Variants in TRRAP observed in about 807,000 individuals in gnomAD.
The protein encoded by TRRAP is transformation/transcription domain-associated protein.
TRRAP carries 41 observed loss-of-function variants against 438.8 expected under a neutral mutation model. The ratio of observed to expected loss-of-function variants is 0.09; its 90% CI spans 0.07 to 0.12. The LOEUF (loss-of-function observed/expected upper bound fraction) is 0.12, where lower values mean the gene tolerates loss of function less well. Ranked by LOEUF, TRRAP falls within the 10% of genes least tolerant of loss-of-function variation. The pLI is 1.00. For missense variants in TRRAP, 3,122 were observed against 5,055.1 expected (o/e 0.62, Z 11.60); for synonymous variants, 1,994 against 1,962.9 (o/e 1.02, Z -0.42).
chr7:99,010,192 T>TTTTTG (rs1470234280), intron 70 of TRRAP, among the ~76,000 whole-genome samples: 38 of 152,318 alleles, frequency 2.5e-4, no homozygotes, highest in Admixed American at 1.4e-3. Context: ...AGCCCAGGCT[T>TTTTTG]TTTTGTTTTG....
rs1224627828 is a variant in TRRAP at position 98,971,905 on chromosome 7, A to G, written c.7799A>G (p.Asn2600Ser). ...GGAAACCAGCTGCACATGCTAACCA[A>G]CAGGCACGACAAGTTTCTGGACACT... is the stretch of plus-strand genomic sequence containing the variant. ...DIGNQLHMLT[N>S]RHDKFLDTLR... The change falls in exon 53 of 73, where the codon AAC becomes AGC. Residue 2600 changes from asparagine to serine, a missense_variant. Asn to Ser is a conservative substitution (Grantham distance 46, BLOSUM62 1). Around this residue, in one of 24 missense-constraint regions of TRRAP, gnomAD observed 992 missense variants for 1,281.2 expected, o/e 0.77. Transcript: ENST00000456197. 1.9e-6 allele frequency: 3 copies of G among 1,614,226 alleles called. No individual in the cohort carries two copies. Among genetic ancestry groups the G allele is most frequent in the Non-Finnish European group, 2.5e-6 (3 of 1,180,044 alleles).
intron 30 of TRRAP, among the ~76,000 whole-genome samples, chr7:98,942,516 C>T (rs1554415891): frequency 6.6e-6 from 1 of 152,230 alleles, no homozygotes; most frequent in Non-Finnish European, 1.5e-5. Context: ...TGTAGCTACA[C>T]ACAGCAGGCA....
At chr7:98,959,960 A>G (rs977516554) in intron 45 of TRRAP, among the ~76,000 whole-genome samples, 16 of 151,492 alleles carry the variant, frequency 1.1e-4, no homozygotes, top group African/African-American at 3.9e-4. Flanking sequence ...AAAAAGAAAA[A>G]GAAAAGAAAA....
At position 99,012,559 on chromosome 7, in the gene TRRAP, G is replaced by A; in HGVS notation, c.*204G>A. ...CTGAACTATGACGATGCTGGGCGAA[G>A]CGGTTGGAAATGGCAGAGCTGAAAC... On this transcript the variant is annotated 3_prime_UTR_variant, in exon 73 of 73. Transcript: ENST00000456197. The surrounding 1 kb of genome is among the most constrained non-coding windows in gnomAD (Gnocchi z 5.9). 3 of 649,842 alleles carry A rather than the reference G, an allele frequency of 4.6e-6. No homozygotes were observed. In the East Asian group the frequency reaches 8.6e-5, roughly 19 times the overall value. The allele number at this position is 649,842 out of a possible 1,614,324, so 40.3% of individuals were successfully genotyped here.
intron 62 of TRRAP, 56 bp from the exon 63 acceptor site, chr7:98,988,709 G>C (rs1392742434): frequency 6.4e-7 from 1 of 1,571,724 alleles, no homozygotes; most frequent in African/African-American, 1.3e-5. Flanking sequence ...TTCAGATTAC[G>C]TGAAGCTCGC....
At chr7:98,935,779 C>T in intron 28 of TRRAP, 104 bp downstream of exon 28, 2 of 815,928 alleles carry the variant, frequency 2.5e-6, no homozygotes, top group South Asian at 2.8e-5. Context: ...ATTTTTATGA[C>T]TTTTTGTAGT....
intron 69 of TRRAP, among the ~76,000 whole-genome samples, chr7:99,007,667 T>C (rs566041990): frequency 2.6e-4 from 37 of 141,164 alleles, no homozygotes; most frequent in Middle Eastern, 4.5e-3. Context: ...TCTTATTTTT[T>C]AGACAGGGTC....
At chr7:98,889,603 A>C (rs1442482329) in intron 3 of TRRAP, among the ~76,000 whole-genome samples, 1 of 148,316 alleles carries the variant, frequency 6.7e-6, no homozygotes, top group Non-Finnish European at 1.5e-5. Context: ...GCTGGTGTGC[A>C]GTGGCATCAT....
At chr7:98,962,052 C>T (rs563545057) in intron 46 of TRRAP, among the ~76,000 whole-genome samples, 1 of 152,300 alleles carries the variant, frequency 6.6e-6, no homozygotes, top group South Asian at 2.1e-4. Context: ...GAACATTTGG[C>T]AGGATCAAAT....
At chr7:98,973,288 G>A (rs1392751572) in intron 53 of TRRAP, among the ~76,000 whole-genome samples, 3 of 151,974 alleles carry the variant, frequency 2.0e-5, no homozygotes, top group South Asian at 2.1e-4. Flanking sequence ...CCCTACTGCC[G>A]CCACCACCAG....
At position 99,005,768 on chromosome 7, in the gene TRRAP, G is replaced by A. The variant is rs1794135249; in HGVS notation, c.10753+420G>A. Among the ~76,000 whole-genome samples the A allele has an allele frequency of 6.6e-6, 1 of 152,036 alleles. No homozygotes were observed. Among genetic ancestry groups the A allele is most frequent in the African/African-American group, 2.4e-5 (1 of 41,468 alleles). On this transcript the variant is annotated intron_variant, in intron 69 of 72. Coordinates refer to ENST00000456197, the MANE Select transcript of TRRAP (RefSeq NM_001375524.1). This position sits in a 1 kb window ranked among gnomAD's most constrained non-coding sequence, Gnocchi z 5.1. ...GAGACAATTCTTCCAATGTGGCCCA[G>A]GGAAGCCAAAAGATTGGACATCCCT... is the stretch of plus-strand genomic sequence containing the variant.
intron 30 of TRRAP, among the ~76,000 whole-genome samples, chr7:98,938,118 T>C (rs1330717574): frequency 6.6e-6 from 1 of 152,212 alleles, no homozygotes; most frequent in Non-Finnish European, 1.5e-5. Flanking sequence ...GAGGTCGCAG[T>C]GAGCCAAGAT....
At chr7:98,957,026 A>C (rs1368997638) in intron 43 of TRRAP, among the ~76,000 whole-genome samples, 3 of 152,058 alleles carry the variant, frequency 2.0e-5, no homozygotes, top group African/African-American at 7.2e-5. Flanking sequence ...CGTAGGCCTG[A>C]GGCTGAGCTC....
chr7:98,999,784 A>G (rs1285802844), intron 67 of TRRAP: 3 of 557,364 alleles, frequency 5.4e-6, no homozygotes, highest in Non-Finnish European at 6.5e-6. Flanking sequence ...GCCGCTCACA[A>G]ATAACTTGAA....
At chr7:98,905,067 C>A (rs150296892) in intron 12 of TRRAP, among the ~76,000 whole-genome samples, 1 of 152,164 alleles carries the variant, frequency 6.6e-6, no homozygotes, top group African/African-American at 2.4e-5. Context: ...GTAGTGGTCA[C>A]GCAATTTCAT....
chr7:98,942,316 C>G (rs2237597), intron 30 of TRRAP, among the ~76,000 whole-genome samples: 58,826 of 152,096 alleles, frequency 0.39, 13,778 homozygotes, highest in Non-Finnish European at 0.51. Flanking sequence ...CTAGGGTCCC[C>G]ATTGTGCCCA....
At chr7:98,907,654 C>T (rs773176241) in intron 13 of TRRAP, among the ~76,000 whole-genome samples, 35 of 152,234 alleles carry the variant, frequency 2.3e-4, no homozygotes, top group Non-Finnish European at 4.6e-4. Context: ...TTGACCATAG[C>T]ATTTGAGTCT....
intron 23 of TRRAP, among the ~76,000 whole-genome samples, chr7:98,928,354 AC>A (rs1224545273): frequency 6.6e-6 from 1 of 152,202 alleles, no homozygotes; most frequent in Non-Finnish European, 1.5e-5. Flanking sequence ...TCGTCTGCAG[AC>A]CGCACTGGAG....
intron 59 of TRRAP, 92 bp downstream of exon 59, chr7:98,982,052 A>C: frequency 7.8e-7 from 1 of 1,285,766 alleles, no homozygotes; most frequent in South Asian, 1.7e-5. Flanking sequence ...TGCTCCGGAC[A>C]GCAGAGATGA....
Sources: gnomAD v4.1 joint callset for allele counts (sites outside exome capture counted in the v4.1 genomes callset) on GRCh38, gnomAD v4.1.1 for gene constraint, gnomAD v4.1.1 regional missense constraint, Gnocchi (gnomAD v3.1) non-coding constraint, MANE v1.5 for transcripts, NCBI Gene and HGNC (gene_info 2026-07-23, HGNC 2026-07-21) for gene names.